Variants in TNS3 observed in about 807,000 individuals in gnomAD.
TNS3 encodes tensin-3.
Under a neutral mutation model 140.9 loss-of-function variants are expected in TNS3, and 45 were observed. The observed-to-expected ratio is 0.32, with a 90% confidence interval of 0.25 to 0.41. TNS3 has a LOEUF of 0.41. TNS3 is among the 10% of genes least tolerant of loss of function. The pLI is 1.00. For missense variants in TNS3, 1,716 were observed against 1,906.7 expected (o/e 0.90, Z 1.86); for synonymous variants, 815 against 788.4 (o/e 1.03, Z -0.56).
chr7:47,394,400 ACAGCCCTCAC>A (rs1188510987), intron 16 of TNS3, among the ~76,000 whole-genome samples: 6 of 152,204 alleles, frequency 3.9e-5, no homozygotes, highest in Non-Finnish European at 7.3e-5. Flanking sequence ...CAACCAGATG[ACAGCCCTCAC>A]CAGAATCCGC....
At chr7:47,553,160 AGCC>A (rs1443029243) in intron 1 of TNS3, among the ~76,000 whole-genome samples, 2 of 152,258 alleles carry the variant, frequency 1.3e-5, no homozygotes, top group African/African-American at 2.4e-5. Context: ...TAGGTAAACA[AGCC>A]GTCTCCATAA....
intron 27 of TNS3, among the ~76,000 whole-genome samples, chr7:47,285,704 C>T (rs889591038): frequency 1.3e-5 from 2 of 152,166 alleles, no homozygotes; most frequent in Non-Finnish European, 2.9e-5. Flanking sequence ...CTAGTGGTCC[C>T]GCTTCTGAGG....
intron 2 of TNS3, among the ~76,000 whole-genome samples, chr7:47,517,448 G>A (rs993740133): frequency 6.6e-6 from 1 of 152,182 alleles, no homozygotes; most frequent in Non-Finnish European, 1.5e-5. Context: ...GAGCTCACCC[G>A]CAGGGACCTT....
intron 2 of TNS3, among the ~76,000 whole-genome samples, chr7:47,511,776 C>G (rs757784525): frequency 3.3e-5 from 5 of 152,178 alleles, no homozygotes; most frequent in Non-Finnish European, 7.3e-5. Context: ...GAACCTCCCC[C>G]TCTGAGCACG....
intron 20 of TNS3, among the ~76,000 whole-genome samples, chr7:47,307,900 G>A (rs947361851): frequency 3.9e-5 from 6 of 152,066 alleles, no homozygotes; most frequent in Non-Finnish European, 8.8e-5. Context: ...TCTGTTGCCT[G>A]TGCATATATT....
At chr7:47,405,576 G>T in intron 13 of TNS3, 1 of 703,012 alleles carries the variant, frequency 1.4e-6, no homozygotes, top group Non-Finnish European at 2.6e-6. Flanking sequence ...CAATTGAAAG[G>T]TGGGTAAATA....
intron 3 of TNS3, among the ~76,000 whole-genome samples, chr7:47,487,497 A>T (rs963144751): frequency 3.9e-5 from 6 of 152,124 alleles, no homozygotes; most frequent in Non-Finnish European, 2.9e-5. Context: ...TCATGTCAGG[A>T]TTCTGGAGGG....
At position 47,302,389 on chromosome 7, in the gene TNS3, GTTCTAAGGAAAGGGAACCC is replaced by G; in HGVS notation, c.3458-136_3458-118del. On this transcript the variant is annotated intron_variant, in intron 22 of 30. Coordinates refer to ENST00000311160, the MANE Select transcript of TNS3 (RefSeq NM_022748.12). ...TGCCAAGGGCAAGCAAGCGAGCGAT[GTTCTAAGGAAAGGGAACCC>G]TGCCTTTGAAATGACTGAGTTGGAG... 3.8e-6 allele frequency: 3 copies of G among 798,488 alleles called. No homozygotes were observed. The Admixed American group carries it at 6.5e-5, about 17-fold the overall frequency. The allele number at this position is 798,488 out of a possible 1,614,324, so 49.5% of individuals were successfully genotyped here.
intron 1 of TNS3, among the ~76,000 whole-genome samples, chr7:47,569,130 TA>T (rs1270656346): frequency 1.3e-5 from 2 of 152,232 alleles, no homozygotes; most frequent in African/African-American, 4.8e-5. Flanking sequence ...CCCGATGCAG[TA>T]TTTGTGAACA....
rs116571542 is a variant in TNS3, at chr7:47,480,901, T to C, written c.-76+202A>G. Among the ~76,000 whole-genome samples the C allele has an allele frequency of 5.9e-3, 894 of 152,324 alleles. 6 individuals carry two copies. Among genetic ancestry groups the C allele is most frequent in the African/African-American group, 0.02 (837 of 41,568 alleles). ...TCCCGCAAAGGCGCAGCGGATCCTCTTCTCTAAAAAACCATGCAAATGGCC... is the reference window on the plus strand; with the variant it reads ...TCCCGCAAAGGCGCAGCGGATCCTCCTCTCTAAAAAACCATGCAAATGGCC... On this transcript the variant is annotated intron_variant, in intron 4 of 30. Coordinates refer to ENST00000311160, the MANE Select transcript of TNS3 (RefSeq NM_022748.12).
At chr7:47,432,105 C>T (rs764638177) in intron 8 of TNS3, among the ~76,000 whole-genome samples, 13 of 152,258 alleles carry the variant, frequency 8.5e-5, no homozygotes, top group African/African-American at 1.2e-4. Flanking sequence ...GAGAAAACTT[C>T]GCTATGGTTT....
At chr7:47,426,555 C>A (rs1156273448) in intron 9 of TNS3, among the ~76,000 whole-genome samples, 1 of 152,080 alleles carries the variant, frequency 6.6e-6, no homozygotes, top group Non-Finnish European at 1.5e-5. Context: ...GTTCTAAGTG[C>A]TTTTTGTGTA....
chr7:47,387,257 G>A (rs1056178908), intron 16 of TNS3, among the ~76,000 whole-genome samples: 2 of 152,242 alleles, frequency 1.3e-5, no homozygotes, highest in African/African-American at 4.8e-5. Context: ...GGCTGGGGCT[G>A]TGGAGGGTTC....
At chr7:47,382,908 G>A (rs1562665616) in intron 16 of TNS3, among the ~76,000 whole-genome samples, 1 of 152,172 alleles carries the variant, frequency 6.6e-6, no homozygotes, top group African/African-American at 2.4e-5. Context: ...GACTTGTTGA[G>A]TTTCCCGAAT....
At chr7:47,581,246 C>T (rs1471014820) in intron 1 of TNS3, among the ~76,000 whole-genome samples, 1 of 152,074 alleles carries the variant, frequency 6.6e-6, no homozygotes, top group African/African-American at 2.4e-5. Context: ...CTCCCTCCTC[C>T]TGCTTGTCAG....
chr7:47,303,602 C>A lies in TNS3; in HGVS notation c.2823-18G>T. 1 of 1,569,644 alleles carries A rather than the reference C, an allele frequency of 6.4e-7. No individual in the cohort carries two copies. Among genetic ancestry groups the A allele is most frequent in the Non-Finnish European group, 8.6e-7 (1 of 1,163,826 alleles). ...AAGAGGAGCTGTTCAAAAGACAAGC[C>A]GACCAAGACAGCATGTAAGGTACAA... On this transcript the variant is annotated intron_variant, in intron 21 of 30. Transcript: ENST00000311160.
intron 4 of TNS3, among the ~76,000 whole-genome samples, chr7:47,468,213 G>A (rs1255681432): frequency 6.6e-6 from 1 of 152,064 alleles, no homozygotes; most frequent in Admixed American, 6.5e-5. Flanking sequence ...TAGGAGGCAG[G>A]CAGAATTACC....
In TNS3 at chr7:47,479,027, G is replaced by A. The variant is rs1214477661; in HGVS notation, c.-76+2076C>T. ...GCGAGATCTCTTAGCAACCACACCTGTGAAAAGGTTAACAGGGAGGCCGTG... is the reference window on the plus strand; with the variant it reads ...GCGAGATCTCTTAGCAACCACACCTATGAAAAGGTTAACAGGGAGGCCGTG... On this transcript the variant is annotated intron_variant, in intron 4 of 30. Transcript: ENST00000311160. 4.6e-5 allele frequency among the ~76,000 whole-genome samples: 7 copies of A among 152,156 alleles called. 1 individual carries two copies. The highest frequency in any genetic ancestry group is 1.0e-4 in the Non-Finnish European group (7 of 68,034).
intron 1 of TNS3, among the ~76,000 whole-genome samples, chr7:47,577,119 G>A (rs960935061): frequency 2.6e-5 from 4 of 152,068 alleles, no homozygotes; most frequent in South Asian, 2.1e-4. Context: ...AGGTGTCCCC[G>A]GTGTCCCCAG....
Sources: gnomAD v4.1 joint callset for allele counts (sites outside exome capture counted in the v4.1 genomes callset) on GRCh38, gnomAD v4.1.1 for gene constraint, MANE v1.5 for transcripts, NCBI Gene and HGNC (gene_info 2026-07-23, HGNC 2026-07-21) for gene names.